Variants in CTBP2 observed in about 807,000 individuals in gnomAD.
CTBP2 encodes the protein C-terminal-binding protein 2.
CTBP2 carries 30 observed loss-of-function variants against 80.3 expected under a neutral mutation model. The ratio of observed to expected loss-of-function variants is 0.37; its 90% CI spans 0.28 to 0.51. The LOEUF is 0.51. Ranked by LOEUF, CTBP2 falls within the 20% of genes least tolerant of loss-of-function variation. The probability of loss-of-function intolerance (pLI) is 0.93; values close to 1 mark genes in which losing one functional copy is unlikely to be tolerated. For synonymous variants in CTBP2, 594 were observed against 587.4 expected (o/e 1.01, Z -0.16); for missense variants, 1,212 against 1,375.3 (o/e 0.88, Z 1.88).
chr10:125,152,177 GC>G (rs1221838776), intron 1 of CTBP2, among the ~76,000 whole-genome samples: 1 of 152,108 alleles, frequency 6.6e-6, no homozygotes, highest in Non-Finnish European at 1.5e-5. Context: ...GAGGAGAGGG[GC>G]GAACCCCAGG....
At chr10:125,017,001 G>A (rs557425255) in intron 1 of CTBP2, among the ~76,000 whole-genome samples, 21 of 152,232 alleles carry the variant, frequency 1.4e-4, no homozygotes, top group Non-Finnish European at 2.8e-4. Flanking sequence ...GGCAGTTGGT[G>A]CCAACATTCA....
chr10:125,133,673 A>C (rs1401987955), intron 1 of CTBP2: 4 of 152,200 alleles, frequency 2.6e-5, no homozygotes, highest in Admixed American at 1.3e-4. Context: ...CACAACTATA[A>C]ACTCTAAATC....
At chr10:125,127,175 C>T (rs756890257) in intron 1 of CTBP2, among the ~76,000 whole-genome samples, 28 of 152,320 alleles carry the variant, frequency 1.8e-4, no homozygotes, top group Non-Finnish European at 3.4e-4. Context: ...CTCCTTACCA[C>T]CTGCCTTCTA....
rs59512017 is a variant in CTBP2 at position 125,040,599 on chromosome 10, TACACACAC to T, written c.-101-1452_-101-1445del. On this transcript the variant is annotated intron_variant, in intron 2 of 10. Transcript: ENST00000337195. ...TTTTAAGACCACCACCACAACCACA[TACACACAC>T]ACACACACACACACACACAGAAAAA... Among the ~76,000 whole-genome samples, 870 of 146,078 alleles carry T rather than the reference TACACACAC, an allele frequency of 6.0e-3. 6 individuals carry two copies. Among genetic ancestry groups the T allele is most frequent in the Non-Finnish European group, 9.5e-3 (638 of 66,812 alleles).
At chr10:125,146,296 T>C (rs916154385) in intron 1 of CTBP2, among the ~76,000 whole-genome samples, 9 of 151,224 alleles carry the variant, frequency 6.0e-5, no homozygotes, top group Non-Finnish European at 1.2e-4. Context: ...TTTTTTTTTT[T>C]TGGAGACAGC....
intron 3 of CTBP2, chr10:124,999,032 C>T (rs1471270278): frequency 1.3e-5 from 2 of 152,378 alleles, no homozygotes; most frequent in African/African-American, 4.8e-5. Context: ...CCAGATACAA[C>T]AGGGGTGCAA....
intron 1 of CTBP2, among the ~76,000 whole-genome samples, chr10:125,112,194 GC>G (rs1311205116): frequency 7.5e-6 from 1 of 133,132 alleles, no homozygotes; most frequent in Non-Finnish European, 1.6e-5. Flanking sequence ...CTCACTGCAA[GC>G]TCCGCCTCCT....
At chr10:125,083,139 G>A (rs893376268) in intron 2 of CTBP2, among the ~76,000 whole-genome samples, 9 of 152,186 alleles carry the variant, frequency 5.9e-5, no homozygotes, top group African/African-American at 1.2e-4. Flanking sequence ...TGCAGAACAC[G>A]TGTTGGACTA....
chr10:124,998,068 T>C lies in CTBP2; in HGVS notation c.2081A>G (p.Gln694Arg), dbSNP rs764406866. ...AACCCGCGTGCCTTCCCGCAGTGCC[T>C]GGTACAGCCACGTGTTCCTCCGGTA... The change falls in exon 4 of 9, where the codon CAG becomes CGG. Residue 694 changes from glutamine (Q) to arginine (R), a missense_variant. Gln to Arg is a conservative substitution (Grantham distance 43). Coordinates refer to ENST00000309035, the MANE Select transcript of CTBP2 (RefSeq NM_022802.3). The C allele has an allele frequency of 1.2e-6, 2 of 1,613,028 alleles. No individual in the cohort carries two copies. Among genetic ancestry groups the C allele is most frequent in the African/African-American group, 1.3e-5 (1 of 75,072 alleles).
intron 2 of CTBP2, among the ~76,000 whole-genome samples, chr10:125,082,634 C>T (rs1847352566): frequency 6.8e-6 from 1 of 147,306 alleles, no homozygotes; most frequent in African/African-American, 2.5e-5. Context: ...GTCGCCCAGG[C>T]TAGAGTGAAG....
In CTBP2 at chr10:125,128,267, A is replaced by C. The variant is rs537697116; in HGVS notation, c.-205-17174T>G. On this transcript the variant is annotated intron_variant, in intron 1 of 10. Coordinates refer to the CTBP2 transcript ENST00000337195. The stretch of plus-strand genomic sequence containing the variant: ...TCCACTTCTGTCAGTCATGAATGCA[A>C]AACAGTGGGCACAGATGTCAGAAAG... Among the ~76,000 whole-genome samples the C allele has an allele frequency of 9.2e-5, 14 of 152,342 alleles. No homozygotes were observed. In the East Asian group the frequency reaches 2.5e-3, roughly 27 times the overall value.
intron 2 of CTBP2, among the ~76,000 whole-genome samples, 192 bp from the exon 3 acceptor site, chr10:125,039,347 CATAAT>C (rs1959178135): frequency 6.6e-6 from 1 of 152,234 alleles, no homozygotes; most frequent in African/African-American, 2.4e-5. Context: ...CTTCTTATCT[CATAAT>C]AGAAAGCAAG....
At chr10:125,104,031 C>T (rs1851059627) in intron 2 of CTBP2, among the ~76,000 whole-genome samples, 1 of 152,326 alleles carries the variant, frequency 6.6e-6, no homozygotes, top group Admixed American at 6.5e-5. Flanking sequence ...AAGGTGACCA[C>T]GGGAAAGGTG....
chr10:125,007,476 C>A (rs1464048258), intron 1 of CTBP2, among the ~76,000 whole-genome samples: 1 of 152,250 alleles, frequency 6.6e-6, no homozygotes, highest in Non-Finnish European at 1.5e-5. Flanking sequence ...TAACCAGACA[C>A]CCAGGAAAAG....
chr10:125,043,079 T>C (rs560755654), intron 2 of CTBP2, among the ~76,000 whole-genome samples: 4 of 152,224 alleles, frequency 2.6e-5, no homozygotes, highest in Non-Finnish European at 4.4e-5. Context: ...AGAAAGCCAC[T>C]TGTAGATACT....
intron 1 of CTBP2, among the ~76,000 whole-genome samples, chr10:125,016,999 G>A (rs1956562985): frequency 6.6e-6 from 1 of 152,250 alleles, no homozygotes; most frequent in South Asian, 2.1e-4. Flanking sequence ...TGGGCAGTTG[G>A]TGCCAACATT....
intron 1 of CTBP2, among the ~76,000 whole-genome samples, chr10:125,139,040 T>C (rs1247304176): frequency 1.3e-5 from 2 of 152,154 alleles, no homozygotes; most frequent in East Asian, 3.9e-4. Context: ...TACATCTCCA[T>C]CTTCCCTGCT....
intron 8 of CTBP2, among the ~76,000 whole-genome samples, chr10:124,992,283 T>C (rs1186734054): frequency 2.1e-5 from 3 of 142,562 alleles, no homozygotes; most frequent in African/African-American, 5.2e-5. Context: ...TGGCCTAGGC[T>C]GGAGTGCAGT....
intron 1 of CTBP2, among the ~76,000 whole-genome samples, chr10:125,022,883 C>T (rs1232793659): frequency 6.6e-6 from 1 of 152,224 alleles, no homozygotes; most frequent in East Asian, 1.9e-4. Context: ...AAACAAGAGG[C>T]AAGGCTGCTT....
Sources: gnomAD v4.1 joint callset for allele counts (sites outside exome capture counted in the v4.1 genomes callset) on GRCh38, gnomAD v4.1.1 for gene constraint, MANE v1.5 for transcripts, NCBI Gene and HGNC (gene_info 2026-07-23, HGNC 2026-07-21) for gene names.